Variants in GRIN2A observed in about 807,000 individuals in gnomAD.
The protein encoded by GRIN2A is glutamate receptor ionotropic, NMDA 2A.
GRIN2A carries 22 observed loss-of-function variants against 113.4 expected under a neutral mutation model. The ratio of observed to expected loss-of-function variants is 0.19; its 90% CI spans 0.14 to 0.28. The LOEUF (loss-of-function observed/expected upper bound fraction) is 0.28. Ranked by LOEUF, GRIN2A falls within the 10% of genes least tolerant of loss-of-function variation. GRIN2A has a pLI of 1.00. For synonymous variants in GRIN2A, 827 were observed against 738.4 expected (o/e 1.12, Z -1.94); for missense variants, 1,502 against 1,887.0 (o/e 0.80, Z 3.78).
chr16:9,989,567 C>A (rs1200256452), intron 2 of GRIN2A, among the ~76,000 whole-genome samples: 3 of 151,920 alleles, frequency 2.0e-5, no homozygotes, highest in Non-Finnish European at 4.4e-5. Flanking sequence ...AGGTCTTCTG[C>A]ACTGCAAAAG....
At chr16:9,838,720 A>G (rs1231916700) in intron 7 of GRIN2A, among the ~76,000 whole-genome samples, 2 of 152,326 alleles carry the variant, frequency 1.3e-5, no homozygotes, top group Non-Finnish European at 2.9e-5. Flanking sequence ...CAAGACCAGT[A>G]TCTGAATATG....
chr16:9,969,773 G>C (rs981293779), intron 2 of GRIN2A, among the ~76,000 whole-genome samples: 5 of 152,194 alleles, frequency 3.3e-5, no homozygotes, highest in Admixed American at 2.0e-4. Flanking sequence ...GTAAAGACCA[G>C]GGTTGCTGCT....
intron 2 of GRIN2A, among the ~76,000 whole-genome samples, chr16:10,176,512 T>C (rs1049797548): frequency 2.6e-5 from 4 of 152,122 alleles, no homozygotes; most frequent in African/African-American, 7.2e-5. Flanking sequence ...TGGAATACTA[T>C]GCAGCCATAA....
intron 2 of GRIN2A, among the ~76,000 whole-genome samples, chr16:10,007,682 C>A (rs145334810): frequency 1.3e-4 from 19 of 151,394 alleles, no homozygotes; most frequent in African/African-American, 3.6e-4. Flanking sequence ...TCGGGGTCCA[C>A]GTAAATTTTA....
At chr16:10,111,634 A>G in intron 2 of GRIN2A, 1 of 1,495,756 alleles carries the variant, frequency 6.7e-7, no homozygotes, top group South Asian at 1.1e-5. Context: ...GATGGCTCTG[A>G]TGGGAGGTAT....
intron 3 of GRIN2A, among the ~76,000 whole-genome samples, chr16:9,898,966 A>G (rs2043862590): frequency 6.6e-6 from 1 of 151,976 alleles, no homozygotes; most frequent in African/African-American, 2.4e-5. Context: ...CCAGTTTTCA[A>G]TTCCCAACTC....
chr16:9,946,862 C>A (rs982220623), intron 2 of GRIN2A, among the ~76,000 whole-genome samples: 1 of 152,280 alleles, frequency 6.6e-6, no homozygotes, highest in Non-Finnish European at 1.5e-5. Context: ...GCTGTAAGAT[C>A]GAGAGTTACC....
At chr16:10,046,805 T>C (rs1377997342) in intron 2 of GRIN2A, among the ~76,000 whole-genome samples, 1 of 152,236 alleles carries the variant, frequency 6.6e-6, no homozygotes, top group African/African-American at 2.4e-5. Context: ...ACATTTTCAG[T>C]CCCTACCACC....
intron 2 of GRIN2A, among the ~76,000 whole-genome samples, chr16:10,046,341 T>TC (rs1179525936): frequency 7.0e-6 from 1 of 143,432 alleles, no homozygotes; most frequent in African/African-American, 2.6e-5. Context: ...TTTTTTTTTT[T>TC]CTTAAAGCCA....
At chr16:9,793,887 G>A (rs890872892) in intron 11 of GRIN2A, among the ~76,000 whole-genome samples, 5 of 151,976 alleles carry the variant, frequency 3.3e-5, no homozygotes, top group Admixed American at 1.3e-4. Context: ...GAAACGTTTC[G>A]ATTTTAGGAT....
In GRIN2A at chr16:9,912,405, A is replaced by G. The variant is rs542605181; in HGVS notation, c.1008-21305T>C. On this transcript the variant is annotated intron_variant, in intron 3 of 12. Transcript: ENST00000330684. ...CCAGAACCATGGTTCCAGAAACACC[A>G]TTTTCAGAACGTAGCCCCTGATGAA... Among the ~76,000 whole-genome samples the G allele has an allele frequency of 4.6e-5, 7 of 151,722 alleles. No individual in the cohort carries two copies. The East Asian group carries it at 1.4e-3, about 30-fold the overall frequency.
In GRIN2A at chr16:10,021,368, G is replaced by C. The variant is rs187925215; in HGVS notation, c.415-82817C>G. On this transcript the variant is annotated intron_variant, in intron 2 of 12. Transcript: ENST00000330684. ...CTACTATTGTTCCCATTTTATAGCAGAGGAAAATGACGCCCAGAAAGGTGA... is the reference window on the plus strand; with the variant it reads ...CTACTATTGTTCCCATTTTATAGCACAGGAAAATGACGCCCAGAAAGGTGA... Among the ~76,000 whole-genome samples the C allele has an allele frequency of 3.9e-5, 6 of 152,310 alleles. 1 individual carries two copies. In the East Asian group the frequency reaches 1.2e-3, roughly 29 times the overall value.
chr16:9,928,460 T>C (rs1487101730), intron 3 of GRIN2A, among the ~76,000 whole-genome samples: 3 of 152,202 alleles, frequency 2.0e-5, no homozygotes, highest in Non-Finnish European at 4.4e-5. Flanking sequence ...TTTTTAACTT[T>C]GTCTTTTTGT....
At position 9,760,656 on chromosome 16, in the gene GRIN2A, A is replaced by G. The variant is rs1900542512; in HGVS notation, c.*2493T>C. 4.4e-6 allele frequency: 1 copy of G among 225,742 alleles called. No homozygotes were observed. The allele number at this position is 225,742 out of a possible 1,614,324, so 14.0% of individuals were successfully genotyped here. A position where few individuals can be genotyped will look rare whatever the true frequency, so the allele number is the denominator to read the frequency against. ...CTTTCTGACCGATGAAGTCAGTCCA[A>G]GTATAACTCTCACTCTCCCTGGAGG... is the stretch of plus-strand genomic sequence containing the variant. On this transcript the variant is annotated 3_prime_UTR_variant, in exon 13 of 13. Coordinates refer to ENST00000330684, the MANE Select transcript of GRIN2A (RefSeq NM_001134407.3).
intron 9 of GRIN2A, among the ~76,000 whole-genome samples, chr16:9,828,948 G>A (rs529426460): frequency 9.2e-5 from 14 of 152,350 alleles, no homozygotes; most frequent in Non-Finnish European, 1.3e-4. Flanking sequence ...GTATGGAAAA[G>A]AGGAGCTGTC....
rs2141133112 is a variant in GRIN2A at position 9,764,189 on chromosome 16, T to A, written c.3355A>T (p.Thr1119Ser). 2.5e-6 allele frequency: 4 copies of A among 1,613,746 alleles called. No individual in the cohort carries two copies. The highest frequency in any genetic ancestry group is 3.4e-6 in the Non-Finnish European group (4 of 1,179,854). ...CCAGGCTCCTTCTCACCATCTATAG[T>A]GTAGATCTTGTCTCTAGGGGAGCTT... is the stretch of plus-strand genomic sequence containing the variant. ...KSSSPRDKIY[T>S]IDGEKEPGFH... Residue 1119 changes from threonine to serine, a missense_variant, in exon 13 of 13, where the codon ACT becomes TCT. This residue lies in a region of GRIN2A where 832 missense variants were observed against 789.7 expected (regional missense o/e 1.05). Transcript: ENST00000330684.
intron 2 of GRIN2A, among the ~76,000 whole-genome samples, chr16:9,981,794 T>C (rs1476992289): frequency 6.6e-6 from 1 of 152,194 alleles, no homozygotes; most frequent in Non-Finnish European, 1.5e-5. Context: ...TATTTATTTA[T>C]GTATTTATTT....
intron 2 of GRIN2A, among the ~76,000 whole-genome samples, chr16:9,947,653 G>A (rs532667459): frequency 5.3e-5 from 8 of 152,268 alleles, no homozygotes; most frequent in African/African-American, 1.9e-4. Context: ...CTCCCTTTGG[G>A]AGTCTGTATG....
At chr16:9,781,398 T>C (rs1331181434) in intron 11 of GRIN2A, among the ~76,000 whole-genome samples, 1 of 152,202 alleles carries the variant, frequency 6.6e-6, no homozygotes. Context: ...TCTTGTTCTG[T>C]CACCCATGCT....
Sources: gnomAD v4.1 joint callset for allele counts (sites outside exome capture counted in the v4.1 genomes callset) on GRCh38, gnomAD v4.1.1 for gene constraint, gnomAD v4.1.1 regional missense constraint, MANE v1.5 for transcripts, NCBI Gene and HGNC (gene_info 2026-07-23, HGNC 2026-07-21) for gene names.